Variants in VAV2 observed in about 807,000 individuals in gnomAD.
The protein encoded by VAV2 is vav guanine nucleotide exchange factor 2.
Under a neutral mutation model 132.5 loss-of-function variants are expected in VAV2, and 67 were observed. That is an observed-to-expected ratio of 0.51 (90% confidence interval 0.42 to 0.62). VAV2 has a LOEUF of 0.62. Ranked by LOEUF, VAV2 falls within the 20% of genes least tolerant of loss-of-function variation. The probability of loss-of-function intolerance (pLI) is 0.00; values close to 1 mark genes in which losing one functional copy is unlikely to be tolerated. For missense variants in VAV2, 938 were observed against 1,153.6 expected (o/e 0.81, Z 2.71); for synonymous variants, 492 against 443.5 (o/e 1.11, Z -1.37).
In VAV2 at chr9:133,783,581, A is replaced by G; in HGVS notation, c.1645T>C (p.Tyr549His). The G allele has an allele frequency of 6.2e-7, 1 of 1,614,010 alleles. No homozygotes were observed. The highest frequency in any genetic ancestry group is 8.5e-7 in the Non-Finnish European group (1 of 1,179,944). The change falls in exon 19 of 30, where the codon TAC becomes CAC. Residue 549 changes from tyrosine to histidine, a missense_variant. Physicochemically the swap from Tyr to His is moderately conservative, Grantham distance 83. Transcript: ENST00000371850. ...ACKMFLRGTF[Y>H]QGYMCTKCGV... ...CACTTGGTACACATGTATCCCTGGT[A>G]GAAGGTGCCCCTGCACAGGGGAGGG...
At chr9:133,887,005 C>CT (rs1838737905) in intron 2 of VAV2, among the ~76,000 whole-genome samples, 1 of 152,170 alleles carries the variant, frequency 6.6e-6, no homozygotes. Flanking sequence ...GTGCCAAGCC[C>CT]CCCCTCCCCA....
intron 4 of VAV2, among the ~76,000 whole-genome samples, chr9:133,820,329 C>T (rs60978417): frequency 0.18 from 23,806 of 131,058 alleles, 2,296 homozygotes; most frequent in African/African-American, 0.3. Context: ...TTTTCTTTTT[C>T]TTTTTTTTTT....
intron 25 of VAV2, among the ~76,000 whole-genome samples, chr9:133,773,212 A>G (rs2428105): frequency 0.97 from 54,861 of 56,510 alleles, 26,643 homozygotes; most frequent in East Asian, 1. Context: ...CTGGACGGCA[A>G]AGCCTATTGC....
intron 2 of VAV2, among the ~76,000 whole-genome samples, chr9:133,866,862 G>T (rs1044217076): frequency 2.0e-5 from 3 of 151,914 alleles, no homozygotes; most frequent in Non-Finnish European, 2.9e-5. Flanking sequence ...GACAGATGAT[G>T]GGGTGGTGTC....
chr9:133,860,243 A>G (rs888740708), intron 3 of VAV2, among the ~76,000 whole-genome samples: 6 of 151,894 alleles, frequency 4.0e-5, no homozygotes, highest in African/African-American at 1.5e-4. Flanking sequence ...CGGAGGTTGC[A>G]GTGAGCCGAG....
chr9:133,836,654 T>G (rs79514183), intron 3 of VAV2, among the ~76,000 whole-genome samples: 1 of 152,220 alleles, frequency 6.6e-6, no homozygotes, highest in Non-Finnish European at 1.5e-5. Context: ...GGTTGTGATC[T>G]TGTTCAAATC....
intron 25 of VAV2, among the ~76,000 whole-genome samples, chr9:133,772,572 T>G (rs1039838924): frequency 2.6e-5 from 4 of 152,080 alleles, no homozygotes; most frequent in Non-Finnish European, 5.9e-5. Context: ...CACGTCTCAA[T>G]TCAAATGTGA....
intron 9 of VAV2, among the ~76,000 whole-genome samples, chr9:133,801,265 T>A (rs1272279485): frequency 6.6e-6 from 1 of 152,188 alleles, no homozygotes; most frequent in Non-Finnish European, 1.5e-5. Flanking sequence ...ATGAAGAGCC[T>A]GAAAGGGCCC....
At chr9:133,920,202 CAG>C (rs1423210734) in intron 2 of VAV2, among the ~76,000 whole-genome samples, 1 of 152,230 alleles carries the variant, frequency 6.6e-6, no homozygotes, top group Non-Finnish European at 1.5e-5. Context: ...TAGTCAGCCC[CAG>C]AAAGGCCTAG....
At position 133,961,797 on chromosome 9, in the gene VAV2, G is replaced by A. The variant is rs976152233; in HGVS notation, c.205-22578C>T. On this transcript the variant is annotated intron_variant, in intron 1 of 29. Transcript: ENST00000371850. The surrounding 1 kb of genome is among the most constrained non-coding windows in gnomAD (Gnocchi z 4.1). ...ACCCGGGCTTGCATGATGTACACCA[G>A]GGAGCCCACAGGAGCAGAGTGGCCC... Among the ~76,000 whole-genome samples, 3 of 152,160 alleles carry A rather than the reference G, an allele frequency of 2.0e-5. No individual in the cohort carries two copies. Among genetic ancestry groups the A allele is most frequent in the Non-Finnish European group, 2.9e-5 (2 of 68,010 alleles).
chr9:133,926,130 G>A lies in VAV2; in HGVS notation c.321+12973C>T, dbSNP rs1464112107. The A allele has an allele frequency of 1.3e-5, 2 of 152,116 alleles. No individual in the cohort carries two copies. Among genetic ancestry groups the A allele is most frequent in the African/African-American group, 4.8e-5 (2 of 41,400 alleles). 9.4% of individuals were successfully genotyped at this position (152,116 alleles called of 1,614,324 possible). A position where few individuals can be genotyped will look rare whatever the true frequency, so the allele number is the denominator to read the frequency against. Reference sequence around the variant, plus strand: ...GAAGTGACAAAGACCCACCCAAGAGGTCATCCAGCCAGTCCAACCAAATGG... The same window carrying A: ...GAAGTGACAAAGACCCACCCAAGAGATCATCCAGCCAGTCCAACCAAATGG... On this transcript the variant is annotated intron_variant, in intron 2 of 29. Coordinates refer to ENST00000371850, the MANE Select transcript of VAV2 (RefSeq NM_001134398.2). This position sits in a 1 kb window ranked among gnomAD's most constrained non-coding sequence, Gnocchi z 4.3.
intron 2 of VAV2, 131 bp from the exon 3 acceptor site, chr9:133,861,563 G>A (rs746918329): frequency 8.7e-5 from 82 of 941,998 alleles, no homozygotes; most frequent in Middle Eastern, 6.5e-4. Flanking sequence ...TAAGAAACAC[G>A]GCATAGCGTT....
chr9:133,874,452 G>C (rs1588298586), intron 2 of VAV2, among the ~76,000 whole-genome samples: 1 of 152,340 alleles, frequency 6.6e-6, no homozygotes, highest in Middle Eastern at 3.4e-3. Flanking sequence ...CCAGGCTGCA[G>C]ACGAGCCGCA....
In VAV2 at chr9:133,824,169, A is replaced by T. The variant is rs1283650757; in HGVS notation, c.449+10103T>A. Reference sequence around the variant, plus strand: ...CCAACGAGCTGCGGTCTCCACAGCCAGCCCCACAGGGAAGTGCTGATGGCT... The same window carrying T: ...CCAACGAGCTGCGGTCTCCACAGCCTGCCCCACAGGGAAGTGCTGATGGCT... On this transcript the variant is annotated intron_variant, in intron 4 of 29. Coordinates refer to ENST00000371850, the MANE Select transcript of VAV2 (RefSeq NM_001134398.2). This position sits in a 1 kb window ranked among gnomAD's most constrained non-coding sequence, Gnocchi z 5.2. 6.6e-6 allele frequency among the ~76,000 whole-genome samples: 1 copy of T among 152,126 alleles called. No homozygotes were observed. The highest frequency in any genetic ancestry group is 6.5e-5 in the Admixed American group (1 of 15,284).
At chr9:133,801,286 A>G (rs1226534276) in intron 9 of VAV2, among the ~76,000 whole-genome samples, 1 of 152,238 alleles carries the variant, frequency 6.6e-6, no homozygotes, top group East Asian at 1.9e-4. Context: ...TGGCCGTGGG[A>G]CGGGCTTCAC....
At chr9:133,878,293 C>T (rs139867500) in intron 2 of VAV2, among the ~76,000 whole-genome samples, 205 of 152,282 alleles carry the variant, frequency 1.3e-3, no homozygotes, top group African/African-American at 4.7e-3. Context: ...AGGCCTCACA[C>T]GAACCACACG....
chr9:133,850,854 A>C (rs1416185334), intron 3 of VAV2, among the ~76,000 whole-genome samples: 1 of 152,194 alleles, frequency 6.6e-6, no homozygotes, highest in Non-Finnish European at 1.5e-5. Context: ...CACAAGTGAC[A>C]TTTGTCCACG....
At chr9:133,767,546 A>G (rs1564324772) in intron 29 of VAV2, among the ~76,000 whole-genome samples, 1 of 152,210 alleles carries the variant, frequency 6.6e-6, no homozygotes, top group African/African-American at 2.4e-5. Context: ...CACAAGGACC[A>G]CTTTGAGAAC....
chr9:133,773,332 G>A (rs1833702054), intron 25 of VAV2, among the ~76,000 whole-genome samples: 1 of 152,240 alleles, frequency 6.6e-6, no homozygotes, highest in South Asian at 2.1e-4. Flanking sequence ...ACAGCTGTAT[G>A]GGGTGCTTAT....
Sources: gnomAD v4.1 joint callset for allele counts (sites outside exome capture counted in the v4.1 genomes callset) on GRCh38, gnomAD v4.1.1 for gene constraint, Gnocchi (gnomAD v3.1) non-coding constraint, MANE v1.5 for transcripts, NCBI Gene and HGNC (gene_info 2026-07-23, HGNC 2026-07-21) for gene names.